ZNF618: variants seen among roughly 807,000 people sequenced by gnomAD.
ZNF618 encodes the protein neural precursor cell expressed, developmentally down-regulated 10.
In ZNF618, 34 loss-of-function variants were observed where a neutral mutation model predicts 103.0. The ratio of observed to expected loss-of-function variants is 0.33; its 90% confidence interval spans 0.25 to 0.44. The LOEUF (loss-of-function observed/expected upper bound fraction) is 0.44, where lower values mean the gene tolerates loss of function less well. Ranked by LOEUF, ZNF618 falls within the 20% of genes least tolerant of loss-of-function variation. The probability of loss-of-function intolerance (pLI) is 1.00; values close to 1 mark genes in which losing one functional copy is unlikely to be tolerated. For missense variants in ZNF618, 1,059 were observed against 1,295.4 expected (o/e 0.82, Z 2.80); for synonymous variants, 551 against 542.2 (o/e 1.02, Z -0.23).
chr9:114,047,000 A>C (rs975073815), intron 13 of ZNF618, among the ~76,000 whole-genome samples: 1 of 152,212 alleles, frequency 6.6e-6, no homozygotes, highest in African/African-American at 2.4e-5. Flanking sequence ...CAGAGCCAGA[A>C]ACCTAGGACT....
intron 1 of ZNF618, among the ~76,000 whole-genome samples, 162 bp downstream of exon 1, chr9:113,876,575 A>C (rs1404008627): frequency 2.2e-5 from 3 of 139,446 alleles, no homozygotes; most frequent in East Asian, 2.2e-4. Context: ...TCCGGAGAGC[A>C]CCCCCCCGGG....
chr9:113,931,225 A>G (rs999784869), intron 1 of ZNF618, among the ~76,000 whole-genome samples: 2 of 152,230 alleles, frequency 1.3e-5, no homozygotes, highest in African/African-American at 4.8e-5. Context: ...AGTGATAAGC[A>G]TGGAACACCT....
intron 1 of ZNF618, among the ~76,000 whole-genome samples, chr9:113,947,675 T>A (rs530649023): frequency 3.3e-5 from 5 of 152,358 alleles, no homozygotes; most frequent in Admixed American, 6.5e-5. Flanking sequence ...GGGATGAGGC[T>A]GTCTGTATTT....
intron 1 of ZNF618, among the ~76,000 whole-genome samples, chr9:113,949,053 C>T (rs1159467761): frequency 1.3e-5 from 2 of 152,216 alleles, no homozygotes; most frequent in Admixed American, 6.5e-5. Context: ...AGCTTGAATG[C>T]ATGTCTTCCC....
chr9:114,053,385 C>G lies in ZNF618; in HGVS notation c.*3218C>G, dbSNP rs185201259. 5.3e-4 allele frequency: 81 copies of G among 152,462 alleles called. No individual in the cohort carries two copies. Among genetic ancestry groups the G allele is most frequent in the African/African-American group, 1.7e-3 (72 of 41,566 alleles). The allele number at this position is 152,462 out of a possible 1,614,324, so 9.4% of individuals were successfully genotyped here. On this transcript the variant is annotated 3_prime_UTR_variant, in exon 15 of 15. Coordinates refer to ENST00000374126, the MANE Select transcript of ZNF618 (RefSeq NM_001318042.2). ...TTTCCATCACAAGCCTTTGGGGGAT[C>G]TGGGACCAGGAATTTGGGCCGTTTC...
chr9:114,003,912 G>A (rs764922683), intron 6 of ZNF618, among the ~76,000 whole-genome samples: 2 of 152,124 alleles, frequency 1.3e-5, no homozygotes, highest in Non-Finnish European at 2.9e-5. Flanking sequence ...CCTTGTAGTG[G>A]GAACATGCCA....
intron 1 of ZNF618, among the ~76,000 whole-genome samples, chr9:113,952,149 G>A (rs747306671): frequency 7.9e-5 from 12 of 152,166 alleles, no homozygotes; most frequent in Admixed American, 1.3e-4. Context: ...GTGAAGCCAG[G>A]AAGAGGGGAA....
At chr9:113,970,428 AACC>A (rs1252110164) in intron 2 of ZNF618, among the ~76,000 whole-genome samples, 1 of 152,162 alleles carries the variant, frequency 6.6e-6, no homozygotes, top group Non-Finnish European at 1.5e-5. Context: ...AGGTCTCTGT[AACC>A]CAGAGACCTG....
chr9:114,020,678 T>A (rs1400898731), intron 10 of ZNF618, among the ~76,000 whole-genome samples: 1 of 152,152 alleles, frequency 6.6e-6, no homozygotes, highest in African/African-American at 2.4e-5. Flanking sequence ...AATTTACTTA[T>A]TAGTTCTAAT....
chr9:113,898,779 A>G (rs1401906568), intron 1 of ZNF618, among the ~76,000 whole-genome samples: 2 of 152,162 alleles, frequency 1.3e-5, no homozygotes, highest in Non-Finnish European at 1.5e-5. Context: ...GCCCGGGGTT[A>G]ATGAGGTGAG....
At chr9:113,998,148 G>A in intron 3 of ZNF618, 111 bp from the exon 4 acceptor site, 1 of 928,502 alleles carries the variant, frequency 1.1e-6, no homozygotes. Context: ...GAAGAGGTAG[G>A]CAGTGTGATC....
Position 113,951,427 on chromosome 9 carries a change from G to A in ZNF618, c.34-17690G>A, listed in dbSNP as rs944823996. ...CGTATATATACACACATATATGTGT[G>A]TGTGTATATATATACATATATGTGT... is the stretch of plus-strand genomic sequence containing the variant. On this transcript the variant is annotated intron_variant, in intron 1 of 14. Coordinates refer to ENST00000374126, the MANE Select transcript of ZNF618 (RefSeq NM_001318042.2). 5.7e-5 allele frequency among the ~76,000 whole-genome samples: 4 copies of A among 69,942 alleles called. No individual in the cohort carries two copies. The East Asian group carries it at 2.8e-3, about 49-fold the overall frequency. The allele number at this position is 69,942 out of a possible 152,430, so 45.9% of individuals were successfully genotyped here.
rs60059082 is a variant in ZNF618 at position 113,951,535 on chromosome 9, G to A, written c.34-17582G>A. Among the ~76,000 whole-genome samples the A allele has an allele frequency of 4.4e-4, 27 of 62,068 alleles. 2 individuals are homozygous for A. The highest frequency in any genetic ancestry group is 2.4e-3 in the East Asian group (3 of 1,264). The allele number at this position is 62,068 out of a possible 152,430, so 40.7% of individuals were successfully genotyped here. A position where few individuals can be genotyped will look rare whatever the true frequency, so the allele number is the denominator to read the frequency against. On this transcript the variant is annotated intron_variant, in intron 1 of 14. Coordinates refer to ENST00000374126, the MANE Select transcript of ZNF618 (RefSeq NM_001318042.2). Reference sequence around the variant, plus strand: ...TGTGTGTATATGTACACATATGTGTGTACATATGTACACATATGTGTGTGT... The same window carrying A: ...TGTGTGTATATGTACACATATGTGTATACATATGTACACATATGTGTGTGT...
chr9:114,033,288 A>G (rs1159952783), intron 12 of ZNF618, among the ~76,000 whole-genome samples: 1 of 152,074 alleles, frequency 6.6e-6, no homozygotes, highest in Non-Finnish European at 1.5e-5. Context: ...CAGGAGGCTG[A>G]GGCAGGAGAA....
chr9:114,039,013 C>T (rs566649195), intron 13 of ZNF618, among the ~76,000 whole-genome samples: 3 of 152,262 alleles, frequency 2.0e-5, no homozygotes, highest in East Asian at 1.9e-4. Context: ...GCTAACGAAA[C>T]GGAGGCACAA....
At chr9:113,926,205 G>T (rs1317900949) in intron 1 of ZNF618, among the ~76,000 whole-genome samples, 5 of 142,758 alleles carry the variant, frequency 3.5e-5, no homozygotes, top group Admixed American at 7.1e-5. Flanking sequence ...CTTCTTGCTT[G>T]CATGATTTCT....
intron 10 of ZNF618, among the ~76,000 whole-genome samples, chr9:114,017,129 C>T: frequency 6.6e-6 from 1 of 152,200 alleles, no homozygotes; most frequent in East Asian, 1.9e-4. Flanking sequence ...TGAATCTCCA[C>T]CCCCAAAGCC....
In ZNF618 at chr9:113,970,719, G is replaced by A. The variant is rs562789366; in HGVS notation, c.77+1559G>A. Among the ~76,000 whole-genome samples, 3 of 151,748 alleles carry A rather than the reference G, an allele frequency of 2.0e-5. No homozygotes were observed. The South Asian group carries it at 6.3e-4, about 32-fold the overall frequency. ...TTCTACCCTCAGGGAAGCTTTCCCT[G>A]ACCCTCCGTATCAAGGTACCTGCAC... On this transcript the variant is annotated intron_variant, in intron 2 of 14. Coordinates refer to ENST00000374126, the MANE Select transcript of ZNF618 (RefSeq NM_001318042.2).
intron 9 of ZNF618, 92 bp downstream of exon 9, chr9:114,008,646 G>A (rs1841974386): frequency 1.4e-6 from 2 of 1,454,620 alleles, no homozygotes; most frequent in Admixed American, 3.8e-5. Context: ...GGGTAGCAGT[G>A]GGTGGCATCA....
Sources: allele counts gnomAD v4.1 joint callset (sites outside exome capture counted in the v4.1 genomes callset), GRCh38; gene constraint gnomAD v4.1.1; transcripts MANE v1.5; gene names NCBI Gene and HGNC (gene_info 2026-07-23, HGNC 2026-07-21).